DPP4: variants seen among roughly 807,000 people sequenced by gnomAD.
DPP4 encodes dipeptidyl peptidase 4, also known as ADCP-2.
DPP4 carries 93 observed loss-of-function variants against 122.4 expected under a neutral mutation model. The ratio of observed to expected loss-of-function variants is 0.76; its 90% CI spans 0.64 to 0.90. The LOEUF is 0.90. Among genes scored for constraint, DPP4 ranks in the 40% least tolerant of loss-of-function variants. DPP4 has a pLI of 0.00. For synonymous variants in DPP4, 321 were observed against 302.9 expected, an observed-to-expected ratio of 1.06 and a Z score of -0.62; for missense variants, 914 against 907.3, an observed-to-expected ratio of 1.01 and a Z score of -0.09.
chr2:162,039,257 A>T lies in DPP4; in HGVS notation c.367-73T>A, dbSNP rs1270028531. The T allele has an allele frequency of 4.1e-6, 5 of 1,206,386 alleles. No individual in the cohort carries two copies. In the South Asian group the frequency reaches 6.3e-5, roughly 15 times the overall value. 74.7% of individuals were successfully genotyped at this position (1,206,386 alleles called of 1,614,324 possible). A position where few individuals can be genotyped will look rare whatever the true frequency, so the allele number is the denominator to read the frequency against. ...TGGCCACTCACTATAGGAGACCAAG[A>T]TGATAGGTTTGGTAATATATGATTG... On this transcript the variant is annotated intron_variant, in intron 5 of 25. Coordinates refer to ENST00000360534, the MANE Select transcript of DPP4 (RefSeq NM_001935.4).
chr2:162,055,597 A>G (rs1684543819), intron 2 of DPP4, among the ~76,000 whole-genome samples: 1 of 151,488 alleles, frequency 6.6e-6, no homozygotes, highest in Non-Finnish European at 1.5e-5. Context: ...CAGGAAGCTG[A>G]GTCATGAGAG....
intron 16 of DPP4, 36 bp from the exon 17 acceptor site, chr2:162,017,191 A>G (rs1682957734): frequency 1.3e-6 from 2 of 1,586,242 alleles, no homozygotes; most frequent in African/African-American, 1.3e-5. Context: ...TTTTGGATGA[A>G]TACTTTTTTA....
At chr2:162,073,697 A>G in intron 1 of DPP4, 1 of 659,388 alleles carries the variant, frequency 1.5e-6, no homozygotes, top group South Asian at 1.9e-5. Context: ...TTCAGAGCAC[A>G]TTAGCGTTGG....
At chr2:161,995,490 G>T in intron 23 of DPP4, 118 bp from the exon 24 acceptor site, 1 of 821,226 alleles carries the variant, frequency 1.2e-6, no homozygotes, top group Non-Finnish European at 2.0e-6. Context: ...ACAAAATATA[G>T]CAAACCGATA....
intron 2 of DPP4, among the ~76,000 whole-genome samples, chr2:162,050,359 C>T (rs776166040): frequency 1.4e-4 from 21 of 152,168 alleles, no homozygotes; most frequent in Admixed American, 7.2e-4. Context: ...TTGACATCCA[C>T]AATCCTCACA....
At chr2:161,998,379 G>A (rs1433901305) in intron 23 of DPP4, among the ~76,000 whole-genome samples, 1 of 152,110 alleles carries the variant, frequency 6.6e-6, no homozygotes, top group East Asian at 1.9e-4. Context: ...AGCCTGCACT[G>A]ACTTCCTCCC....
At chr2:162,037,782 A>C (rs1683829430) in intron 8 of DPP4, among the ~76,000 whole-genome samples, 1 of 152,122 alleles carries the variant, frequency 6.6e-6, no homozygotes, top group Non-Finnish European at 1.5e-5. Context: ...CTTTTTCCTA[A>C]GCCTTTCTAA....
At chr2:162,021,780 G>A (rs959781563) in intron 12 of DPP4, among the ~76,000 whole-genome samples, 5 of 152,172 alleles carry the variant, frequency 3.3e-5, no homozygotes, top group Non-Finnish European at 5.9e-5. Context: ...TAAATACAGA[G>A]AGGAAAAAAC....
rs199965284 is a variant in DPP4 at position 162,038,331 on chromosome 2, T to C, written c.584A>G (p.Tyr195Cys). 1.9e-6 allele frequency: 3 copies of C among 1,602,192 alleles called. No homozygotes were observed. The highest frequency in any genetic ancestry group is 2.7e-5 in the African/African-American group (2 of 74,340). Reference sequence around the variant, plus strand: ...ATAAACCCAGTCAGTTATTCCATTATATATTATATCTTCTTTCCCCGTCCA... The same window carrying C: ...ATAAACCCAGTCAGTTATTCCATTACATATTATATCTTCTTTCCCCGTCCA... ...ITWTGKEDII[Y>C]NGITDWVYEE... The change falls in exon 8 of 26, where the codon TAT becomes TGT. Residue 195 changes from tyrosine to cysteine, a missense_variant. Physicochemically the swap from Tyr to Cys is radical, Grantham distance 194. Coordinates refer to ENST00000360534, the MANE Select transcript of DPP4 (RefSeq NM_001935.4).
chr2:161,994,457 A>G (rs1340105149), intron 25 of DPP4, among the ~76,000 whole-genome samples: 2 of 152,248 alleles, frequency 1.3e-5, no homozygotes, highest in East Asian at 3.8e-4. Flanking sequence ...ACTTTATAAA[A>G]CAATCCTAAT....
At chr2:162,020,419 T>A (rs964505764) in intron 13 of DPP4, 123 bp from the exon 14 acceptor site, 21 of 1,054,042 alleles carry the variant, frequency 2.0e-5, no homozygotes, top group South Asian at 1.1e-4. Flanking sequence ...TCTTGTTGGG[T>A]TTCCCCACCT....
intron 10 of DPP4, 149 bp downstream of exon 10, chr2:162,033,392 C>T (rs986989205): frequency 7.0e-6 from 4 of 574,104 alleles, no homozygotes; most frequent in Non-Finnish European, 1.2e-5. Flanking sequence ...AGATGCTCAA[C>T]AAAGAGTTGC....
chr2:162,047,336 G>A, intron 3 of DPP4, 67 bp downstream of exon 3: 2 of 882,976 alleles, frequency 2.3e-6, no homozygotes, highest in Non-Finnish European at 3.4e-6. Context: ...TGCCATAAAA[G>A]CCCACATCTC....
chr2:162,054,603 G>A (rs1382136372), intron 2 of DPP4, among the ~76,000 whole-genome samples: 1 of 152,100 alleles, frequency 6.6e-6, no homozygotes, highest in Non-Finnish European at 1.5e-5. Flanking sequence ...GAATGGTTAG[G>A]TGCCTTATAA....
intron 19 of DPP4, among the ~76,000 whole-genome samples, chr2:162,013,148 A>G (rs966525934): frequency 2.0e-5 from 3 of 152,096 alleles, no homozygotes; most frequent in South Asian, 2.1e-4. Flanking sequence ...AAATAGAAAA[A>G]AAAAAAAGAC....
At chr2:162,025,277 C>T (rs968584607) in intron 10 of DPP4, among the ~76,000 whole-genome samples, 5 of 152,032 alleles carry the variant, frequency 3.3e-5, no homozygotes, top group South Asian at 2.1e-4. Flanking sequence ...GTAATGTTTT[C>T]GCATCTCCTT....
At chr2:162,028,255 G>A (rs868001813) in intron 10 of DPP4, among the ~76,000 whole-genome samples, 4 of 151,888 alleles carry the variant, frequency 2.6e-5, no homozygotes, top group Non-Finnish European at 4.4e-5. Flanking sequence ...CCAGCTACTC[G>A]GGAGGCTGAG....
intron 2 of DPP4, among the ~76,000 whole-genome samples, chr2:162,068,841 C>T (rs183393215): frequency 5.3e-4 from 81 of 152,218 alleles, no homozygotes; most frequent in African/African-American, 1.6e-3. Context: ...AGAATGCTTA[C>T]GACACAGAGA....
chr2:162,019,013 T>G (rs1316116391), intron 15 of DPP4, among the ~76,000 whole-genome samples, 163 bp from the exon 16 acceptor site: 1 of 151,968 alleles, frequency 6.6e-6, no homozygotes, highest in East Asian at 1.9e-4. Context: ...AATAGTAACC[T>G]CAAACCTTCC....
Sources: gnomAD v4.1 joint callset for allele counts (sites outside exome capture counted in the v4.1 genomes callset) on GRCh38, gnomAD v4.1.1 for gene constraint, MANE v1.5 for transcripts, NCBI Gene and HGNC (gene_info 2026-07-23, HGNC 2026-07-21) for gene names.